GPHN: variants seen among roughly 807,000 people sequenced by gnomAD.
GPHN encodes the protein gephyrin.
A neutral mutation model predicts 95.5 loss-of-function variants in GPHN; 17 were observed. That is an observed-to-expected ratio of 0.18 (90% confidence interval 0.12 to 0.27). The LOEUF is 0.27. GPHN is among the 10% of genes least tolerant of loss of function. GPHN has a pLI of 1.00. For synonymous variants in GPHN, 320 were observed against 322.5 expected (o/e 0.99, Z 0.08); for missense variants, 660 against 978.1 (o/e 0.67, Z 4.34).
intron 1 of GPHN, among the ~76,000 whole-genome samples, chr14:66,522,304 CT>C (rs2058516127): frequency 6.6e-6 from 1 of 152,080 alleles, no homozygotes; most frequent in African/African-American, 2.4e-5. Flanking sequence ...GGGTCTTAGT[CT>C]TTTTTTCTAC....
At chr14:66,994,573 C>G (rs2071656444) in intron 9 of GPHN, among the ~76,000 whole-genome samples, 1 of 152,124 alleles carries the variant, frequency 6.6e-6, no homozygotes, top group East Asian at 1.9e-4. Flanking sequence ...TAAAATATCT[C>G]AAGTAAATTT....
At chr14:67,500,863 G>A in the GPHN span, among the ~76,000 whole-genome samples, 4 of 151,678 alleles carry the variant, frequency 2.6e-5, no homozygotes, top group Non-Finnish European at 5.9e-5. Flanking sequence ...GAGCCACCGC[G>A]CCTGGCCTGG....
chr14:66,682,242 G>A (rs1004721825), intron 2 of GPHN, among the ~76,000 whole-genome samples: 1 of 151,922 alleles, frequency 6.6e-6, no homozygotes, highest in Non-Finnish European at 1.5e-5. Context: ...CAAAAGGATT[G>A]CAAATATTCC....
the GPHN span, among the ~76,000 whole-genome samples, chr14:67,358,097 C>T: frequency 1.6e-5 from 2 of 127,226 alleles, no homozygotes; most frequent in African/African-American, 2.9e-5. Flanking sequence ...ATTTTAATGG[C>T]GGGGGCGGCG....
chr14:66,988,194 A>G (rs1251475611), intron 9 of GPHN, among the ~76,000 whole-genome samples: 1 of 151,956 alleles, frequency 6.6e-6, no homozygotes, highest in Admixed American at 6.6e-5. Context: ...AGGGTAGAGG[A>G]CCCTAAAGCC....
At chr14:66,605,657 G>A (rs1368696118) in intron 1 of GPHN, among the ~76,000 whole-genome samples, 1 of 151,086 alleles carries the variant, frequency 6.6e-6, no homozygotes, top group African/African-American at 2.4e-5. Flanking sequence ...AGCCTCCCGA[G>A]TAGCTGGGAG....
chr14:67,372,438 G>A, the GPHN span, among the ~76,000 whole-genome samples: 1 of 152,130 alleles, frequency 6.6e-6, no homozygotes, highest in South Asian at 2.1e-4. Flanking sequence ...TGATTAATTG[G>A]ACCTTATCAA....
At chr14:66,817,130 T>C (rs2061002119) in intron 3 of GPHN, among the ~76,000 whole-genome samples, 1 of 152,130 alleles carries the variant, frequency 6.6e-6, no homozygotes, top group Admixed American at 6.6e-5. Flanking sequence ...ATTATGTTAA[T>C]ATACTGATCT....
At chr14:66,604,381 T>C (rs2062409102) in intron 1 of GPHN, among the ~76,000 whole-genome samples, 1 of 152,144 alleles carries the variant, frequency 6.6e-6, no homozygotes, top group African/African-American at 2.4e-5. Flanking sequence ...AATATGTATA[T>C]AGATATTTGT....
chr14:66,515,515 A>G (rs1247654998), intron 1 of GPHN, among the ~76,000 whole-genome samples: 1 of 152,122 alleles, frequency 6.6e-6, no homozygotes, highest in African/African-American at 2.4e-5. Flanking sequence ...TGTGAGGATA[A>G]TTTTAGACTA....
the GPHN span, among the ~76,000 whole-genome samples, chr14:67,357,063 G>A: frequency 6.6e-6 from 1 of 152,192 alleles, no homozygotes; most frequent in African/African-American, 2.4e-5. Context: ...AACTCTAAGA[G>A]CAGCGTGCAC....
the GPHN span, among the ~76,000 whole-genome samples, chr14:67,505,710 C>CT: frequency 5.9e-3 from 837 of 141,348 alleles, 7 homozygotes; most frequent in African/African-American, 0.016. Flanking sequence ...ATAATTTGCT[C>CT]TTTTTTTTTT....
intron 19 of GPHN, among the ~76,000 whole-genome samples, chr14:67,163,819 A>G (rs940575711): frequency 2.6e-5 from 4 of 152,028 alleles, no homozygotes; most frequent in African/African-American, 7.3e-5. Context: ...AATGAGATTT[A>G]TTAGCTAAAA....
the GPHN span, among the ~76,000 whole-genome samples, chr14:67,448,230 C>T: frequency 6.9e-6 from 1 of 144,692 alleles, no homozygotes; most frequent in Non-Finnish European, 1.5e-5. Flanking sequence ...CCTCCACCTC[C>T]CAGGTTCAAG....
chr14:67,448,804 AATGAGG>A, the GPHN span, among the ~76,000 whole-genome samples: 1 of 152,232 alleles, frequency 6.6e-6, no homozygotes, highest in Non-Finnish European at 1.5e-5. Flanking sequence ...GGAGTAGGGC[AATGAGG>A]AAAAGGCCTT....
the GPHN span, among the ~76,000 whole-genome samples, chr14:67,733,381 T>TGTA: frequency 6.6e-6 from 1 of 152,236 alleles, no homozygotes; most frequent in East Asian, 1.9e-4. Context: ...GGCACTGAAC[T>TGTA]GTAGTAGTAG....
chr14:67,445,160 T>A, the GPHN span, among the ~76,000 whole-genome samples: 6 of 152,196 alleles, frequency 3.9e-5, no homozygotes, highest in Admixed American at 6.5e-5. Flanking sequence ...CTGACTTGTA[T>A]CCTCTATAAT....
the GPHN span, chr14:67,722,658 G>C: frequency 6.2e-7 from 1 of 1,613,858 alleles, no homozygotes; most frequent in South Asian, 1.1e-5. Flanking sequence ...GGTCACCTTG[G>C]GACTGCTCAC....
chr14:67,487,303 C>G, the GPHN span: 1 of 152,424 alleles, frequency 6.6e-6, no homozygotes, highest in African/African-American at 2.4e-5. Context: ...GGCCCCTTCC[C>G]GGAACCTACC....
Sources: gnomAD v4.1 joint callset for allele counts (sites outside exome capture counted in the v4.1 genomes callset) on GRCh38, gnomAD v4.1.1 for gene constraint, MANE v1.5 for transcripts, NCBI Gene and HGNC (gene_info 2026-07-23, HGNC 2026-07-21) for gene names.